The following PIN4 variants were observed in gnomAD, a reference collection of about 807,000 sequenced individuals.
PIN4 encodes the protein peptidyl-prolyl cis-trans isomerase NIMA-interacting 4.
A neutral mutation model predicts 8.3 loss-of-function variants in PIN4; 3 were observed. That is an observed-to-expected ratio of 0.36 (90% CI 0.16 to 0.93). PIN4 has a LOEUF of 0.93. Ranked by LOEUF, PIN4 falls within the 40% of genes least tolerant of loss-of-function variation. The pLI, the probability that PIN4 is intolerant of heterozygous loss-of-function variation, is 0.44. For missense variants in PIN4, 75 were observed against 100.6 expected (o/e 0.75, Z 1.09); for synonymous variants, 18 against 32.5 (o/e 0.55, Z 1.52).
rs184791951 is a variant in PIN4, at chrX:72,217,727, A to T, written c.312+20823A>T. 8.3e-3 allele frequency among the ~76,000 whole-genome samples: 916 copies of T among 109,855 alleles called. 5 individuals carry two copies. The highest frequency in any genetic ancestry group is 0.012 in the Non-Finnish European group (606 of 52,332). On this transcript the variant is annotated intron_variant, in intron 3 of 3. Coordinates refer to the PIN4 transcript ENST00000423432. ...AAGCTTACTGAGCAGAAAAAAAAAT[A>T]AAAAAAAACACAAAAAGAACAAAAT...
chrX:72,220,035 T>C (rs1448119208), intron 3 of PIN4, among the ~76,000 whole-genome samples: 1 of 111,184 alleles, frequency 9.0e-6, no homozygotes, highest in Admixed American at 9.6e-5. Context: ...GGAAGTTACC[T>C]TTTATTCCTA....
At chrX:72,209,423 C>T (rs1436461063) in intron 3 of PIN4, among the ~76,000 whole-genome samples, 6 of 111,965 alleles carry the variant, frequency 5.4e-5, no homozygotes. Context: ...CCTCTAAAAA[C>T]GTGCTTCTCC....
At chrX:72,205,117 T>C in intron 3 of PIN4, 1 of 1,211,855 alleles carries the variant, frequency 8.3e-7, no homozygotes, top group African/African-American at 1.7e-5. Flanking sequence ...TAGGGCCTCC[T>C]GGATTTTTCC....
intron 3 of PIN4, among the ~76,000 whole-genome samples, chrX:72,252,391 C>CT (rs773854414): frequency 0.023 from 2,400 of 102,326 alleles, 58 homozygotes; most frequent in African/African-American, 0.065. Context: ...CTTTTCTTTT[C>CT]TTTTTTTTTT....
intron 3 of PIN4, among the ~76,000 whole-genome samples, chrX:72,237,484 GC>G (rs1348908845): frequency 9.0e-6 from 1 of 111,300 alleles, no homozygotes; most frequent in African/African-American, 3.3e-5. Flanking sequence ...TGTAGTCCCA[GC>G]TACTCGGGAG....
chrX:72,215,757 T>A (rs1167080642), intron 3 of PIN4, among the ~76,000 whole-genome samples: 1 of 110,992 alleles, frequency 9.0e-6, no homozygotes, highest in East Asian at 2.8e-4. Context: ...CATGGACAGT[T>A]CTTAGTCTTT....
At chrX:72,203,645 T>C (rs2147579744) in intron 3 of PIN4, among the ~76,000 whole-genome samples, 1 of 112,083 alleles carries the variant, frequency 8.9e-6, no homozygotes, top group African/African-American at 3.2e-5. Context: ...TGTATTATAG[T>C]GTATTCATTT....
Position 72,196,765 on chromosome X carries a change from A to G in PIN4, c.118-20A>G. 8.4e-7 allele frequency: 1 copy of G among 1,194,330 alleles called. No homozygotes were observed. Among genetic ancestry groups the G allele is most frequent in the South Asian group, 1.8e-5 (1 of 55,094 alleles). On this transcript the variant is annotated intron_variant, in intron 2 of 3. Coordinates refer to ENST00000373669, the MANE Select transcript of PIN4 (RefSeq NM_006223.4). ...CATTTGGGTCTCCAAGTATTACATG[A>G]ATGTACTTTTTCCTTGCAGGTCAGA...
At chrX:72,258,813 A>G (rs2043124782) in intron 3 of PIN4, among the ~76,000 whole-genome samples, 1 of 111,495 alleles carries the variant, frequency 9.0e-6, no homozygotes, top group Non-Finnish European at 1.9e-5. Flanking sequence ...AGTAAGACTC[A>G]GGGGCTCTAA....
intron 3 of PIN4, chrX:72,208,023 A>G (rs766505796): frequency 9.9e-6 from 12 of 1,211,690 alleles, no homozygotes; most frequent in South Asian, 7.0e-5. Flanking sequence ...GATTACTTGC[A>G]GGAATAGCAC....
At chrX:72,202,321 T>C (rs2042793222), downstream of PIN4, among the ~76,000 whole-genome samples, 4 of 112,602 alleles carry the variant, frequency 3.6e-5, no homozygotes, top group Admixed American at 3.8e-4. Context: ...GAATTTGTCA[T>C]AGTACACACA....
rs1337113038 is a variant in PIN4 at position 72,198,246 on chromosome X, A to T, written c.*720A>T. The T allele has an allele frequency of 1.1e-5, 8 of 729,391 alleles. No individual in the cohort carries two copies. The South Asian group carries it at 2.8e-4, about 26-fold the overall frequency. The allele number at this position is 729,391 out of a possible 1,213,427, so 60.1% of individuals were successfully genotyped here. ...CAATGTTCTGTGCATCTAAATTTTT[A>T]AAATTTAAAATGCCATATTTATGAC... On this transcript the variant is annotated 3_prime_UTR_variant, in exon 4 of 4. Coordinates refer to ENST00000373669, the MANE Select transcript of PIN4 (RefSeq NM_006223.4).
chrX:72,181,980 G>T (rs2042675537), intron 1 of PIN4, 152 bp downstream of exon 1: 1 of 490,409 alleles, frequency 2.0e-6, no homozygotes. Context: ...AATACATTGG[G>T]CTACGGTTCA....
At chrX:72,191,045 C>G (rs1337346652) in intron 2 of PIN4, among the ~76,000 whole-genome samples, 1 of 109,894 alleles carries the variant, frequency 9.1e-6, no homozygotes, top group Non-Finnish European at 1.9e-5. Context: ...TGGTCTCTGA[C>G]TTTACCTAGG....
intron 3 of PIN4, among the ~76,000 whole-genome samples, chrX:72,219,713 G>A (rs775856446): frequency 3.0e-4 from 33 of 109,573 alleles, no homozygotes; most frequent in African/African-American, 1.0e-3. Flanking sequence ...AGCGGGCGTG[G>A]TGGTGCACGC....
intron 3 of PIN4, among the ~76,000 whole-genome samples, chrX:72,257,104 A>C (rs965662130): frequency 2.7e-5 from 3 of 111,658 alleles, no homozygotes; most frequent in Non-Finnish European, 5.6e-5. Flanking sequence ...GTGGATCACG[A>C]GGTCAGGAGA....
At chrX:72,207,728 C>A in intron 3 of PIN4, 1 of 1,211,683 alleles carries the variant, frequency 8.3e-7, no homozygotes, top group Non-Finnish European at 1.1e-6. Context: ...GGATTCTTTT[C>A]ATTAAGTCTG....
chrX:72,208,409 A>G (rs149451749), intron 3 of PIN4: 138 of 1,210,257 alleles, frequency 1.1e-4, no homozygotes, highest in Admixed American at 9.6e-4. Flanking sequence ...TCATCAGCCA[A>G]TATACCACCT....
chrX:72,185,151 A>AAAAAAAC (rs1556391292), intron 1 of PIN4, among the ~76,000 whole-genome samples: 8 of 102,650 alleles, frequency 7.8e-5, no homozygotes, highest in African/African-American at 2.8e-4. Context: ...CCGTCTCAAA[A>AAAAAAAC]AAAAAAAAAA....
Sources: gnomAD v4.1 joint callset for allele counts (sites outside exome capture counted in the v4.1 genomes callset) on GRCh38, gnomAD v4.1.1 for gene constraint, MANE v1.5 for transcripts, NCBI Gene and HGNC (gene_info 2026-07-23, HGNC 2026-07-21) for gene names.